BACH2: variants seen among roughly 807,000 people sequenced by gnomAD.
BACH2 encodes transcription regulator protein BACH2.
A neutral mutation model predicts 61.8 loss-of-function variants in BACH2; 5 were observed. The ratio of observed to expected loss-of-function variants is 0.08; its 90% CI spans 0.04 to 0.17. BACH2 has a LOEUF of 0.17. Among genes scored for constraint, BACH2 ranks in the 10% least tolerant of loss-of-function variants. The pLI, the probability that BACH2 is intolerant of heterozygous loss-of-function variation, is 1.00. For synonymous variants in BACH2, 446 were observed against 440.1 expected, an observed-to-expected ratio of 1.01 and a Z score of -0.17; for missense variants, 824 against 1,091.1, an observed-to-expected ratio of 0.76 and a Z score of 3.45.
chr6:89,995,027 G>A (rs1776770761), intron 6 of BACH2, among the ~76,000 whole-genome samples: 1 of 151,982 alleles, frequency 6.6e-6, no homozygotes, highest in South Asian at 2.1e-4. Context: ...TCAACTACTT[G>A]GGTCATATTT....
At position 89,951,383 on chromosome 6, in the gene BACH2, A is replaced by G; in HGVS notation, c.723T>C (p.Asn241=). Residue 241 remains asparagine (N), a synonymous_variant, in exon 7 of 9, where the codon AAT becomes AAC. Coordinates refer to ENST00000257749, the MANE Select transcript of BACH2 (RefSeq NM_021813.4). This position sits in a 1 kb window ranked among gnomAD's most constrained non-coding sequence, Gnocchi z 6.4. ...YKKYQLACTK[N]VYNASSHSTS... ...TACTGTGTGATGATGCATTATAGAC[A>G]TTCTTGGTACATGCAAGCTGGTATT... 6.2e-7 allele frequency: 1 copy of G among 1,614,238 alleles called. No individual in the cohort carries two copies. The highest frequency in any genetic ancestry group is 1.3e-5 in the African/African-American group (1 of 75,060).
intron 6 of BACH2, among the ~76,000 whole-genome samples, chr6:89,991,248 C>G (rs542958727): frequency 1.3e-5 from 2 of 152,294 alleles, no homozygotes; most frequent in South Asian, 4.1e-4. Flanking sequence ...CAAAACCAAT[C>G]AAAATCCATT....
intron 4 of BACH2, among the ~76,000 whole-genome samples, chr6:90,198,308 T>A (rs1768834704): frequency 6.6e-6 from 1 of 152,160 alleles, no homozygotes; most frequent in African/African-American, 2.4e-5. Flanking sequence ...AATGCCCCCA[T>A]GATTCCTTGA....
At chr6:90,277,719 C>G (rs1261539172) in intron 1 of BACH2, among the ~76,000 whole-genome samples, 1 of 152,192 alleles carries the variant, frequency 6.6e-6, no homozygotes. Flanking sequence ...GTGTTTCACA[C>G]AGTAAAATGG....
rs535061661 is a variant in BACH2 at position 89,948,438 on chromosome 6, G to A, written c.1836+1832C>T. ...GCCCAGGCTGGTCTTGAAATCCTGA[G>A]CTCAAGTGATCCACCCACCTCGGCC... On this transcript the variant is annotated intron_variant, in intron 7 of 8. Transcript: ENST00000257749. Among the ~76,000 whole-genome samples the A allele has an allele frequency of 4.6e-5, 7 of 152,028 alleles. No individual in the cohort carries two copies. The South Asian group carries it at 1.5e-3, about 32-fold the overall frequency.
intron 5 of BACH2, among the ~76,000 whole-genome samples, chr6:90,057,471 G>T (rs1780425475): frequency 1.3e-5 from 2 of 152,156 alleles, no homozygotes; most frequent in South Asian, 4.1e-4. Flanking sequence ...TGAAATTGAG[G>T]CAATAATCAA....
rs76985331 is a variant in BACH2 at position 90,145,375 on chromosome 6, T to C, written c.-161-56266A>G. Among the ~76,000 whole-genome samples the C allele has an allele frequency of 6.6e-5, 10 of 152,336 alleles. No homozygotes were observed. In the East Asian group the frequency reaches 1.5e-3, roughly 23 times the overall value. ...TAACTGCTACTAGCTTAGATGAAAA[T>C]GTCTGCAATCTTGTTCAAGTGCTTG... is the stretch of plus-strand genomic sequence containing the variant. On this transcript the variant is annotated intron_variant, in intron 4 of 8. Transcript: ENST00000257749.
intron 5 of BACH2, among the ~76,000 whole-genome samples, chr6:90,084,230 C>T (rs562212559): frequency 1.3e-5 from 2 of 151,906 alleles, no homozygotes; most frequent in East Asian, 1.9e-4. Flanking sequence ...CTGATTCCTG[C>T]GAATGATGAG....
intron 6 of BACH2, among the ~76,000 whole-genome samples, chr6:89,995,866 C>T (rs1329782505): frequency 6.6e-6 from 1 of 152,182 alleles, no homozygotes; most frequent in Non-Finnish European, 1.5e-5. Flanking sequence ...TAGGGAGCAA[C>T]TCTATATGTA....
intron 4 of BACH2, among the ~76,000 whole-genome samples, chr6:90,123,855 C>T (rs1783741193): frequency 6.6e-6 from 1 of 150,788 alleles, no homozygotes; most frequent in Admixed American, 6.6e-5. Context: ...TGTGAGAACA[C>T]CAAAATCGCC....
intron 7 of BACH2, among the ~76,000 whole-genome samples, chr6:89,941,155 A>G (rs189364568): frequency 3.3e-5 from 5 of 152,324 alleles, no homozygotes; most frequent in Admixed American, 6.5e-5. Context: ...GGATGAAGAC[A>G]TTTGATCCTG....
chr6:90,195,367 C>T (rs753898322), intron 4 of BACH2, among the ~76,000 whole-genome samples: 1 of 152,058 alleles, frequency 6.6e-6, no homozygotes, highest in Non-Finnish European at 1.5e-5. Flanking sequence ...TAAAGAAGTC[C>T]AAGGAAAAAA....
Position 89,932,751 on chromosome 6 carries a change from C to T in BACH2, c.2183G>A (p.Arg728Gln), listed in dbSNP as rs374812157. Residue 728 changes from arginine to glutamine, a missense_variant, in exon 9 of 9, where the codon CGG becomes CAG. Arg to Gln is a conservative substitution (Grantham distance 43). Transcript: ENST00000257749. ...QSPEQIQALH[R>Q]YCPVLRPMDL... ...CATGGGTCTGAGGACAGGGCAATAC[C>T]GATGCAGGGCCTGGATCTGCTCGGG... 1.2e-5 allele frequency: 19 copies of T among 1,614,036 alleles called. No homozygotes were observed. The highest frequency in any genetic ancestry group is 2.2e-5 in the East Asian group (1 of 44,888).
Position 89,940,743 on chromosome 6 carries a change from A to C in BACH2, c.1837-2393T>G, listed in dbSNP as rs532899960. Among the ~76,000 whole-genome samples, 25 of 152,376 alleles carry C rather than the reference A, an allele frequency of 1.6e-4. No individual in the cohort carries two copies. In the South Asian group the frequency reaches 5.0e-3, roughly 30 times the overall value. On this transcript the variant is annotated intron_variant, in intron 7 of 8. Coordinates refer to ENST00000257749, the MANE Select transcript of BACH2 (RefSeq NM_021813.4). ...ATTTTCCAGCAGCTACATTAAAAGA[A>C]GTAAAAAGAAACAGGTGAAATGAGT... is the stretch of plus-strand genomic sequence containing the variant.
chr6:90,256,614 T>A (rs1427350006), intron 2 of BACH2, among the ~76,000 whole-genome samples: 1 of 152,208 alleles, frequency 6.6e-6, no homozygotes, highest in African/African-American at 2.4e-5. Context: ...TTATCTTGTA[T>A]TTTTTTATTT....
chr6:90,166,507 G>A (rs1767623454), intron 4 of BACH2, among the ~76,000 whole-genome samples: 1 of 152,170 alleles, frequency 6.6e-6, no homozygotes, highest in African/African-American at 2.4e-5. Context: ...CGATTCCTCA[G>A]GGATCCAGAA....
rs183732946 is a variant in BACH2, at chr6:90,195,384, C to T, written c.-162+11185G>A. Among the ~76,000 whole-genome samples, 273 of 152,286 alleles carry T rather than the reference C, an allele frequency of 1.8e-3. 7 individuals carry two copies. In the South Asian group the frequency reaches 0.034, roughly 19 times the overall value. The stretch of plus-strand genomic sequence containing the variant: ...AAGAAGTCCAAGGAAAAAACAAGCA[C>T]AACCACCTTTCTCTGAGGTTCCTTG... On this transcript the variant is annotated intron_variant, in intron 4 of 8. Coordinates refer to ENST00000257749, the MANE Select transcript of BACH2 (RefSeq NM_021813.4).
intron 4 of BACH2, among the ~76,000 whole-genome samples, chr6:90,119,338 T>C (rs1008576421): frequency 6.6e-6 from 1 of 152,228 alleles, no homozygotes; most frequent in African/African-American, 2.4e-5. Context: ...ACAACTATAA[T>C]ACGAAGACTT....
At chr6:89,962,259 G>C (rs553746999) in intron 6 of BACH2, among the ~76,000 whole-genome samples, 51 of 152,026 alleles carry the variant, frequency 3.4e-4, no homozygotes, top group Non-Finnish European at 4.1e-4. Context: ...ATCTACCTAG[G>C]GCTTCCTTTC....
Sources: allele counts gnomAD v4.1 joint callset (sites outside exome capture counted in the v4.1 genomes callset), GRCh38; gene constraint gnomAD v4.1.1; non-coding constraint Gnocchi (gnomAD v3.1); transcripts MANE v1.5; gene names NCBI Gene and HGNC (gene_info 2026-07-23, HGNC 2026-07-21).